The following GABRA5 variants were observed in gnomAD, a reference collection of about 807,000 sequenced individuals.
GABRA5 encodes the protein gamma-aminobutyric acid receptor subunit alpha-5.
GABRA5 carries 18 observed loss-of-function variants against 47.3 expected under a neutral mutation model. The ratio of observed to expected loss-of-function variants is 0.38; its 90% confidence interval spans 0.26 to 0.56. The LOEUF (loss-of-function observed/expected upper bound fraction) is 0.56, where lower values mean the gene tolerates loss of function less well. Among genes scored for constraint, GABRA5 ranks in the 20% least tolerant of loss-of-function variants. The probability of loss-of-function intolerance (pLI) is 0.71; values close to 1 mark genes in which losing one functional copy is unlikely to be tolerated. For synonymous variants in GABRA5, 237 were observed against 229.3 expected (o/e 1.03, Z -0.30); for missense variants, 365 against 599.3 (o/e 0.61, Z 4.08).
chr15:26,885,140 A>T (rs1038229699), intron 6 of GABRA5, among the ~76,000 whole-genome samples: 2 of 152,080 alleles, frequency 1.3e-5, no homozygotes, highest in African/African-American at 4.8e-5. Context: ...ACTAAAAAAA[A>T]TACAAAAAAT....
intron 7 of GABRA5, among the ~76,000 whole-genome samples, chr15:26,929,998 TTCTTCTTC>T (rs1409795861): frequency 7.8e-6 from 1 of 127,774 alleles, no homozygotes. Context: ...CTTCTTCTTC[TTCTTCTTC>T]TTTTTTTTTT....
At chr15:26,891,930 T>C (rs1215790081) in intron 6 of GABRA5, among the ~76,000 whole-genome samples, 3 of 152,236 alleles carry the variant, frequency 2.0e-5, no homozygotes, top group African/African-American at 7.2e-5. Flanking sequence ...TCTCATCTCC[T>C]GCACGCTCTC....
chr15:26,869,641 T>G (rs1892414403), intron 3 of GABRA5, among the ~76,000 whole-genome samples: 1 of 152,228 alleles, frequency 6.6e-6, no homozygotes, highest in Admixed American at 6.5e-5. Context: ...TAAAACAAGA[T>G]TCAGGAGTTC....
intron 6 of GABRA5, among the ~76,000 whole-genome samples, chr15:26,890,427 T>C (rs949507582): frequency 1.3e-5 from 1 of 77,126 alleles, no homozygotes; most frequent in African/African-American, 1.2e-4. Context: ...GTCACTTCAA[T>C]TTTTTTTTTT....
chr15:26,909,426 A>G (rs567987683), intron 6 of GABRA5, among the ~76,000 whole-genome samples: 1 of 152,316 alleles, frequency 6.6e-6, no homozygotes, highest in Admixed American at 6.5e-5. Context: ...ACATCTTTGG[A>G]GACCACCATT....
chr15:26,900,753 G>A lies in GABRA5; in HGVS notation c.498-14050G>A, dbSNP rs141912608. Among the ~76,000 whole-genome samples, 22 of 151,972 alleles carry A rather than the reference G, an allele frequency of 1.4e-4. No homozygotes were observed. The East Asian group carries it at 3.1e-3, about 21-fold the overall frequency. On this transcript the variant is annotated intron_variant, in intron 6 of 10. Transcript: ENST00000335625. ...TACATTAGGGTTCACTCTTGGTGGC[G>A]TACATTCTGTGTGTTCAGACAAAAT...
At chr15:26,902,043 T>A (rs1024261204) in intron 6 of GABRA5, among the ~76,000 whole-genome samples, 3 of 152,112 alleles carry the variant, frequency 2.0e-5, no homozygotes, top group Non-Finnish European at 4.4e-5. Flanking sequence ...CTGTCTTGAT[T>A]ACTATAGCTT....
At chr15:26,871,686 C>G (rs78430325) in intron 3 of GABRA5, among the ~76,000 whole-genome samples, 15,267 of 152,148 alleles carry the variant, frequency 0.1, 807 homozygotes, top group East Asian at 0.11. Context: ...TGGGATCAGG[C>G]TGTGCAGTTT....
At chr15:26,889,488 A>G (rs2140264404) in intron 6 of GABRA5, among the ~76,000 whole-genome samples, 1 of 152,214 alleles carries the variant, frequency 6.6e-6, no homozygotes, top group Non-Finnish European at 1.5e-5. Flanking sequence ...ATATTCCTTA[A>G]ACGGCCACTT....
At chr15:26,881,944 C>A (rs1892739458) in intron 4 of GABRA5, among the ~76,000 whole-genome samples, 1 of 152,200 alleles carries the variant, frequency 6.6e-6, no homozygotes, top group Non-Finnish European at 1.5e-5. Context: ...AGGCGATCCA[C>A]CCACCTCGGC....
At chr15:26,947,410 T>C (rs116567807) in intron 10 of GABRA5, among the ~76,000 whole-genome samples, 3,631 of 152,228 alleles carry the variant, frequency 0.024, 135 homozygotes, top group African/African-American at 0.084. Flanking sequence ...TGTTCATGAG[T>C]TCTCATCATT....
chr15:26,927,850 T>G (rs1344034044), intron 7 of GABRA5, among the ~76,000 whole-genome samples: 4 of 152,212 alleles, frequency 2.6e-5, no homozygotes, highest in Non-Finnish European at 5.9e-5. Context: ...AGCCACATGC[T>G]CTAGTTTCTC....
chr15:26,893,864 G>A (rs1387134948), intron 6 of GABRA5, among the ~76,000 whole-genome samples: 1 of 152,100 alleles, frequency 6.6e-6, no homozygotes, highest in Non-Finnish European at 1.5e-5. Flanking sequence ...GCGTCAGAGT[G>A]CAAGATGTGA....
chr15:26,923,033 C>T (rs1446089344), intron 7 of GABRA5, among the ~76,000 whole-genome samples: 1 of 152,206 alleles, frequency 6.6e-6, no homozygotes, highest in Non-Finnish European at 1.5e-5. Context: ...TTTACCTTTC[C>T]CTAATCTTAA....
At chr15:26,869,039 G>C (rs1892396944) in intron 2 of GABRA5, 136 bp from the exon 3 acceptor site, 1 of 517,566 alleles carries the variant, frequency 1.9e-6, no homozygotes, top group South Asian at 2.9e-5. Context: ...AAAATACCTG[G>C]TGTGCAGCTG....
chr15:26,922,052 G>C (rs972606547), intron 7 of GABRA5, among the ~76,000 whole-genome samples: 2 of 152,056 alleles, frequency 1.3e-5, no homozygotes, highest in African/African-American at 4.8e-5. Flanking sequence ...TGAAAAGTAT[G>C]TGCATTTTGT....
At chr15:26,933,564 A>G (rs1297005528) in intron 7 of GABRA5, among the ~76,000 whole-genome samples, 1 of 152,130 alleles carries the variant, frequency 6.6e-6, no homozygotes, top group East Asian at 1.9e-4. Flanking sequence ...GGGCCCATTA[A>G]GTTCATAAAT....
At position 26,947,978 on chromosome 15, in the gene GABRA5, A is replaced by G. The variant is rs2229942; in HGVS notation, c.1134A>G (p.Thr378=). Residue 378 remains threonine, a synonymous_variant, in exon 11 of 11, where the codon ACA becomes ACG. Coordinates refer to ENST00000335625, the MANE Select transcript of GABRA5 (RefSeq NM_000810.4). ...VILNKSTNAF[T]TGKMSHPPNI... is the part of the protein sequence containing the mutation. ...TAAATAAGTCAACAAACGCTTTTAC[A>G]ACTGGGAAGATGTCTCACCCCCCAA... The G allele has an allele frequency of 0.029, 45,927 of 1,594,016 alleles. 824 individuals are homozygous for G. Among genetic ancestry groups the G allele is most frequent in the Non-Finnish European group, 0.033 (38,615 of 1,169,502 alleles).
chr15:26,874,690 A>G (rs1892550669), intron 3 of GABRA5, among the ~76,000 whole-genome samples: 1 of 152,250 alleles, frequency 6.6e-6, no homozygotes, highest in African/African-American at 2.4e-5. Flanking sequence ...ATCATTTGCT[A>G]GTGAGAGTAA....
Sources: gnomAD v4.1 joint callset for allele counts (sites outside exome capture counted in the v4.1 genomes callset) on GRCh38, gnomAD v4.1.1 for gene constraint, MANE v1.5 for transcripts, NCBI Gene and HGNC (gene_info 2026-07-23, HGNC 2026-07-21) for gene names.